The following SLC44A5 variants were observed in gnomAD, a reference collection of about 807,000 sequenced individuals.
SLC44A5 encodes solute carrier family 44 member 5, also known as choline transporter-like protein 5.
Under a neutral mutation model 101.8 loss-of-function variants are expected in SLC44A5, and 57 were observed. The ratio of observed to expected loss-of-function variants is 0.56; its 90% confidence interval spans 0.45 to 0.70. The LOEUF is 0.70. Among genes scored for constraint, SLC44A5 ranks in the 30% least tolerant of loss-of-function variants. The pLI is 0.00. For missense variants in SLC44A5, 737 were observed against 853.1 expected (o/e 0.86, Z 1.70); for synonymous variants, 281 against 290.9 (o/e 0.97, Z 0.35).
intron 4 of SLC44A5, among the ~76,000 whole-genome samples, chr1:75,332,859 T>C (rs1657153025): frequency 1.3e-5 from 2 of 152,332 alleles, no homozygotes; most frequent in Non-Finnish European, 1.5e-5. Context: ...CACATTCTTA[T>C]AAATTCTAAA....
chr1:75,236,636 C>T (rs2100580739), intron 11 of SLC44A5, among the ~76,000 whole-genome samples: 1 of 152,120 alleles, frequency 6.6e-6, no homozygotes, highest in African/African-American at 2.4e-5. Flanking sequence ...AACAATCCTG[C>T]CTCCACAGTA....
At chr1:75,563,668 A>C (rs1201955891) in intron 1 of SLC44A5, among the ~76,000 whole-genome samples, 1 of 152,122 alleles carries the variant, frequency 6.6e-6, no homozygotes, top group African/African-American at 2.4e-5. Context: ...TCTCCTATAA[A>C]AGACAAGCCA....
chr1:75,701,198 C>CA, the SLC44A5 span, among the ~76,000 whole-genome samples: 404 of 151,776 alleles, frequency 2.7e-3, 2 homozygotes, highest in African/African-American at 9.0e-3. Context: ...GGCAGAGACA[C>CA]ACAAAAAAAG....
chr1:75,287,453 A>T, intron 5 of SLC44A5, among the ~76,000 whole-genome samples: 2 of 46,544 alleles, frequency 4.3e-5, no homozygotes, highest in Non-Finnish European at 8.6e-5. Flanking sequence ...TTTTTTTGGC[A>T]ATTCAAAGAC....
At chr1:75,242,371 T>G (rs1252716840) in intron 8 of SLC44A5, among the ~76,000 whole-genome samples, 1 of 152,030 alleles carries the variant, frequency 6.6e-6, no homozygotes, top group Non-Finnish European at 1.5e-5. Context: ...GGGTTTTTTT[T>G]TCTAGAAAAA....
chr1:75,569,991 T>G (rs1221683726), intron 1 of SLC44A5, among the ~76,000 whole-genome samples: 1 of 152,172 alleles, frequency 6.6e-6, no homozygotes, highest in Non-Finnish European at 1.5e-5. Flanking sequence ...GCTAAGCAAC[T>G]CGGAAGCCAG....
At chr1:75,204,057 T>C (rs1646707920) in intron 23 of SLC44A5, among the ~76,000 whole-genome samples, 1 of 152,234 alleles carries the variant, frequency 6.6e-6, no homozygotes, top group Non-Finnish European at 1.5e-5. Context: ...TATTTCATTC[T>C]GTGTAACAGG....
chr1:75,652,400 A>T, the SLC44A5 span, among the ~76,000 whole-genome samples: 2 of 152,184 alleles, frequency 1.3e-5, no homozygotes, highest in African/African-American at 2.4e-5. Context: ...GCTCCCAGTT[A>T]AATTCTTTCT....
chr1:75,510,880 C>T (rs1433475403), intron 2 of SLC44A5, among the ~76,000 whole-genome samples: 1 of 152,174 alleles, frequency 6.6e-6, no homozygotes, highest in Non-Finnish European at 1.5e-5. Flanking sequence ...CTGTGGCTCA[C>T]GCCTGTAATC....
chr1:75,292,659 T>C (rs1333447644), intron 5 of SLC44A5, among the ~76,000 whole-genome samples: 1 of 152,164 alleles, frequency 6.6e-6, no homozygotes, highest in Non-Finnish European at 1.5e-5. Flanking sequence ...GATAATAGAT[T>C]GTTGATGATC....
the SLC44A5 span, among the ~76,000 whole-genome samples, chr1:75,674,418 C>A: frequency 6.6e-6 from 1 of 151,676 alleles, no homozygotes; most frequent in African/African-American, 2.4e-5. Context: ...TTGCTCTTGT[C>A]GCCCAGGCTG....
chr1:75,224,059 C>CA (rs1647145815), intron 13 of SLC44A5, among the ~76,000 whole-genome samples: 1 of 152,190 alleles, frequency 6.6e-6, no homozygotes, highest in Non-Finnish European at 1.5e-5. Context: ...TTTGAACTTA[C>CA]ATACAGTCAT....
At chr1:75,589,569 A>G (rs1674226432) in intron 1 of SLC44A5, among the ~76,000 whole-genome samples, 1 of 152,306 alleles carries the variant, frequency 6.6e-6, no homozygotes, top group East Asian at 1.9e-4. Flanking sequence ...CTATCTACAC[A>G]GGGAAAATAC....
chr1:75,297,788 G>A (rs1352178570), intron 5 of SLC44A5, among the ~76,000 whole-genome samples: 1 of 152,100 alleles, frequency 6.6e-6, no homozygotes, highest in South Asian at 2.1e-4. Context: ...TTCAAGATTT[G>A]ATTACTTCTA....
chr1:75,620,312 T>A, the SLC44A5 span, among the ~76,000 whole-genome samples: 2 of 152,182 alleles, frequency 1.3e-5, no homozygotes, highest in African/African-American at 4.8e-5. Flanking sequence ...TGTGTCTTTA[T>A]AGTAGAATGA....
At chr1:75,637,033 G>A in the SLC44A5 span, among the ~76,000 whole-genome samples, 5 of 151,948 alleles carry the variant, frequency 3.3e-5, no homozygotes, top group Non-Finnish European at 7.4e-5. Context: ...TTAGCTGTAT[G>A]TGACTAAAGA....
At chr1:75,219,398 G>A in intron 15 of SLC44A5, 54 bp from the exon 16 acceptor site, 1 of 1,221,868 alleles carries the variant, frequency 8.2e-7, no homozygotes. Context: ...AAAATAAATG[G>A]ACAAGAAAAC....
intron 1 of SLC44A5, among the ~76,000 whole-genome samples, chr1:75,576,509 G>A (rs1039718191): frequency 2.6e-5 from 4 of 151,862 alleles, no homozygotes; most frequent in South Asian, 4.2e-4. Flanking sequence ...TAGTAGAGAC[G>A]GGGTTTCACC....
At chr1:75,708,353 T>G in the SLC44A5 span, among the ~76,000 whole-genome samples, 134,263 of 147,860 alleles carry the variant, frequency 0.91, 61,100 homozygotes, top group Middle Eastern at 0.94. Flanking sequence ...GGTGGAGGTT[T>G]CAGTGAGCCA....
Sources: gnomAD v4.1 joint callset for allele counts (sites outside exome capture counted in the v4.1 genomes callset) on GRCh38, gnomAD v4.1.1 for gene constraint, MANE v1.5 for transcripts, NCBI Gene and HGNC (gene_info 2026-07-23, HGNC 2026-07-21) for gene names.